Variants in COL6A3 observed in about 807,000 individuals in gnomAD.
COL6A3 encodes collagen type VI alpha 3 chain.
Under a neutral mutation model 274.1 loss-of-function variants are expected in COL6A3, and 137 were observed. That is an observed-to-expected ratio of 0.50 (90% CI 0.44 to 0.58). The LOEUF is 0.58. Ranked by LOEUF, COL6A3 falls within the 20% of genes least tolerant of loss-of-function variation. The pLI, the probability that COL6A3 is intolerant of heterozygous loss-of-function variation, is 0.00. For synonymous variants in COL6A3, 1,650 were observed against 1,650.6 expected (o/e 1.00, Z 0.01); for missense variants, 3,950 against 4,124.9 (o/e 0.96, Z 1.16).
At position 237,394,634 on chromosome 2, in the gene COL6A3, A is replaced by C; in HGVS notation, c.662T>G (p.Val221Gly). ...CGTGTCCCCAGCCCTTTCTGGACTCACGGATGAATGCACACAGGACACTAA... is the reference window on the plus strand; with the variant it reads ...CGTGTCCCCAGCCCTTTCTGGACTCCCGGATGAATGCACACAGGACACTAA... ...GNLVSCVHSS[V>G]SPERAGDTET... The change falls in exon 3 of 44, where the codon GTG (valine) becomes GGG (glycine). Residue 221 changes from valine (V) to glycine (G), a missense_variant. Physicochemically the swap from Val to Gly is moderately radical, Grantham distance 109. Transcript: ENST00000295550. The C allele has an allele frequency of 6.2e-7, 1 of 1,614,238 alleles. No individual in the cohort carries two copies. Among genetic ancestry groups the C allele is most frequent in the South Asian group, 1.1e-5 (1 of 91,088 alleles).
chr2:237,387,740 G>C lies in COL6A3; in HGVS notation c.1154C>G (p.Ser385Cys). 6.2e-7 allele frequency: 1 copy of C among 1,614,078 alleles called. No individual in the cohort carries two copies. The highest frequency in any genetic ancestry group is 8.5e-7 in the Non-Finnish European group (1 of 1,179,968). The change falls in exon 4 of 44, where the codon TCC (serine) becomes TGC (cysteine). Residue 385 changes from serine to cysteine, a missense_variant. Ser to Cys is a moderately radical substitution (Grantham distance 112). This residue lies in a region of COL6A3 where 1,934 missense variants were observed against 1,984.3 expected (regional missense o/e 0.97). Coordinates refer to ENST00000295550, the MANE Select transcript of COL6A3 (RefSeq NM_004369.4). ...AGCTATGTGCTGAAGCTCTGCCCTG[G>C]AGGCGGCCTGGGCTCCAAGGCCGAA... ...FSFGLGAQAA[S>C]RAELQHIATD...
intron 27 of COL6A3, among the ~76,000 whole-genome samples, chr2:237,350,442 AAG>A (rs1209500630): frequency 1.2e-4 from 18 of 152,124 alleles, no homozygotes; most frequent in Admixed American, 1.0e-3. Flanking sequence ...GGCTGATGAG[AAG>A]AGAGAGTAAC....
chr2:237,345,103 G>C lies in COL6A3; in HGVS notation c.7126-9C>G. 1 of 1,614,118 alleles carries C rather than the reference G, an allele frequency of 6.2e-7. No homozygotes were observed. Among genetic ancestry groups the C allele is most frequent in the Non-Finnish European group, 8.5e-7 (1 of 1,179,974 alleles). ...TGGATGAGGGCACATTGCTTTAAAA[G>C]AAAATAAAAGAATATGTAAAGAGAG... is the stretch of plus-strand genomic sequence containing the variant. On this transcript the variant is annotated splice_polypyrimidine_tract_variant and intron_variant, in intron 33 of 43. Transcript: ENST00000295550.
At position 237,387,948 on chromosome 2, in the gene COL6A3, C is replaced by T; in HGVS notation, c.946G>A (p.Gly316Ser). Residue 316 changes from glycine to serine, a missense_variant, in exon 4 of 44, where the codon GGT becomes AGT. Around this residue, in one of 5 missense-constraint regions of COL6A3, gnomAD observed 1,934 missense variants for 1,984.3 expected, o/e 0.97. Transcript: ENST00000295550. ...AGGCCGATATTGGCCAACTCCCCAC[C>T]AGCAAACCCGAGGGCTTTCACTGCA... ...LGAVKALGFA[G>S]GELANIGLAL... The T allele has an allele frequency of 1.2e-6, 2 of 1,614,228 alleles. No homozygotes were observed. The highest frequency in any genetic ancestry group is 2.2e-5 in the East Asian group (1 of 44,888).
At position 237,413,325 on chromosome 2, in the gene COL6A3, T is replaced by A. The variant is rs990499903; in HGVS notation, c.-31+628A>T. 6.6e-6 allele frequency among the ~76,000 whole-genome samples: 1 copy of A among 152,214 alleles called. No homozygotes were observed. Among genetic ancestry groups the A allele is most frequent in the Non-Finnish European group, 1.5e-5 (1 of 68,034 alleles). On this transcript the variant is annotated intron_variant, in intron 1 of 43. Transcript: ENST00000295550. The surrounding 1 kb of genome is among the most constrained non-coding windows in gnomAD (Gnocchi z 4.0). ...CAACCCCAAGGGACAAAGTCTCCAA[T>A]AGAGACTTCAGGTTCCTGGAAAGAC... is the stretch of plus-strand genomic sequence containing the variant.
In COL6A3 at chr2:237,344,867, G is replaced by A; in HGVS notation, c.7175-24C>T. ...CCCTGTGGAAAGTAGAGGGTGGAGGGTTAAAGACAAACTGTACTTACTACA... is the reference window on the plus strand; with the variant it reads ...CCCTGTGGAAAGTAGAGGGTGGAGGATTAAAGACAAACTGTACTTACTACA... On this transcript the variant is annotated intron_variant, in intron 35 of 43. Coordinates refer to ENST00000295550, the MANE Select transcript of COL6A3 (RefSeq NM_004369.4). The surrounding 1 kb of genome is among the most constrained non-coding windows in gnomAD (Gnocchi z 4.8). The A allele has an allele frequency of 1.2e-5, 19 of 1,613,798 alleles. No individual in the cohort carries two copies. Among genetic ancestry groups the A allele is most frequent in the Non-Finnish European group, 1.5e-5 (18 of 1,180,030 alleles).
At chr2:237,356,362 AAAAT>A (rs544898674) in intron 23 of COL6A3, among the ~76,000 whole-genome samples, 65 of 152,330 alleles carry the variant, frequency 4.3e-4, no homozygotes, top group Admixed American at 1.2e-3. Flanking sequence ...CAATTTATTA[AAAAT>A]AAATAAATAA....
chr2:237,352,616 A>G, intron 25 of COL6A3, 32 bp from the exon 26 acceptor site: 2 of 1,599,764 alleles, frequency 1.3e-6, no homozygotes, highest in South Asian at 2.2e-5. Flanking sequence ...GTGAGTGCTA[A>G]TGAGGTGACT....
chr2:237,382,648 AAG>A, intron 4 of COL6A3, among the ~76,000 whole-genome samples: 1 of 152,364 alleles, frequency 6.6e-6, no homozygotes, highest in Middle Eastern at 3.4e-3. Flanking sequence ...TGTTTTGCAA[AAG>A]AGTCCTCTGT....
Position 237,361,936 on chromosome 2 carries a change from G to A in COL6A3, c.6064-105C>T, listed in dbSNP as rs1287843042. The A allele has an allele frequency of 1.0e-6, 1 of 988,016 alleles. No homozygotes were observed. 61.2% of individuals were successfully genotyped at this position (988,016 alleles called of 1,614,324 possible). Reference sequence around the variant, plus strand: ...AAATCGGATGTGTGGGGGTTTCACGGTGTGAGATGAAGTCCCTCCAGGTGA... The same window carrying A: ...AAATCGGATGTGTGGGGGTTTCACGATGTGAGATGAAGTCCCTCCAGGTGA... On this transcript the variant is annotated intron_variant, in intron 14 of 43. Transcript: ENST00000295550. This position sits in a 1 kb window ranked among gnomAD's most constrained non-coding sequence, Gnocchi z 5.1.
At position 237,364,439 on chromosome 2, in the gene COL6A3, G is replaced by C. The variant is rs1388657135; in HGVS notation, c.5839-11C>G. 1 of 1,608,250 alleles carries C rather than the reference G, an allele frequency of 6.2e-7. No individual in the cohort carries two copies. The highest frequency in any genetic ancestry group is 8.5e-7 in the Non-Finnish European group (1 of 1,174,796). The stretch of plus-strand genomic sequence containing the variant: ...AAAATGAATGACCACCTGCAGATAA[G>C]AGAGCTGTCAAATCCCAGGAAAACT... On this transcript the variant is annotated splice_polypyrimidine_tract_variant and intron_variant, in intron 12 of 43. Coordinates refer to ENST00000295550, the MANE Select transcript of COL6A3 (RefSeq NM_004369.4). The surrounding 1 kb of genome is among the most constrained non-coding windows in gnomAD (Gnocchi z 4.6).
Position 237,337,500 on chromosome 2 carries a change from TAGAC to T in COL6A3, c.8568-972_8568-969del, listed in dbSNP as rs566118735. 2.3e-3 allele frequency among the ~76,000 whole-genome samples: 348 copies of T among 152,322 alleles called. 1 individual carries two copies. Among genetic ancestry groups the T allele is most frequent in the Admixed American group, 5.6e-3 (85 of 15,308 alleles). On this transcript the variant is annotated intron_variant, in intron 39 of 43. Coordinates refer to ENST00000295550, the MANE Select transcript of COL6A3 (RefSeq NM_004369.4). ...AAGAGCTGAAGGACTTAAGTGGTGA[TAGAC>T]AGAAGGGTCTGCAGTAGGAAGAGAT...
In COL6A3 at chr2:237,367,031, G is replaced by A. The variant is rs557335500; in HGVS notation, c.5156C>T (p.Thr1719Ile). ...VVYKGGRHAN[T>I]KVGLEHLRVN... ...CCGCAGGTGCTCAAGGCCCACCTTA[G>A]TGTTGGCGTGTCTTCCCCCTTTGTA... Residue 1719 changes from threonine (T) to isoleucine (I), a missense_variant, in exon 11 of 44, where the codon ACT becomes ATT. Transcript: ENST00000295550. 9.3e-6 allele frequency: 15 copies of A among 1,614,244 alleles called. No individual in the cohort carries two copies. The South Asian group carries it at 1.6e-4, about 18-fold the overall frequency.
intron 13 of COL6A3, among the ~76,000 whole-genome samples, chr2:237,363,819 T>G (rs141889145): frequency 6.6e-6 from 1 of 152,234 alleles, no homozygotes; most frequent in African/African-American, 2.4e-5. Flanking sequence ...ACTTCTGTAA[T>G]GGCATCCACT....
rs150468883 is a variant in COL6A3 at position 237,376,517 on chromosome 2, A to G, written c.3070+255T>C. Among the ~76,000 whole-genome samples, 368 of 152,332 alleles carry G rather than the reference A, an allele frequency of 2.4e-3. 1 individual carries two copies. Among genetic ancestry groups the G allele is most frequent in the African/African-American group, 8.2e-3 (341 of 41,574 alleles). ...CCACTGATATCTAAATCTTTATAAC[A>G]TGTCTTACTATGAAATAATCTAATG... On this transcript the variant is annotated intron_variant, in intron 7 of 43. Transcript: ENST00000295550.
chr2:237,370,935 C>G (rs2106355659), intron 9 of COL6A3, among the ~76,000 whole-genome samples: 1 of 152,216 alleles, frequency 6.6e-6, no homozygotes, highest in East Asian at 1.9e-4. Flanking sequence ...TGAACACAGA[C>G]AAAAAGAAAA....
rs1440572476 is a variant in COL6A3, at chr2:237,336,299, A to C, written c.8801T>G (p.Val2934Gly). Reference protein sequence around the residue: ...ATKMATVRPPVAVKPATAAKP... With the variant: ...ATKMATVRPPGAVKPATAAKP... ...CGCTGCCGTTGCTGGCTTCACCGCC[A>C]CTGGGGGTCTAACAGTGGCCATCTT... Residue 2934 changes from valine (V) to glycine (G), a missense_variant, in exon 40 of 44, where the codon GTG (valine) becomes GGG (glycine). Val to Gly is a moderately radical substitution (Grantham distance 109). Coordinates refer to ENST00000295550, the MANE Select transcript of COL6A3 (RefSeq NM_004369.4). The C allele has an allele frequency of 6.2e-7, 1 of 1,613,272 alleles. No homozygotes were observed. Among genetic ancestry groups the C allele is most frequent in the Admixed American group, 1.7e-5 (1 of 59,964 alleles).
intron 4 of COL6A3, among the ~76,000 whole-genome samples, chr2:237,383,209 C>T (rs115441407): frequency 9.2e-5 from 14 of 152,314 alleles, no homozygotes; most frequent in Non-Finnish European, 1.9e-4. Flanking sequence ...ACAGCAGTGC[C>T]TCATCTGGGT....
intron 36 of COL6A3, chr2:237,343,012 C>T (rs1318720759): frequency 6.6e-6 from 1 of 152,200 alleles, no homozygotes; most frequent in Non-Finnish European, 1.5e-5. Context: ...CTGCCCCAGT[C>T]TCAATTTACA....
Sources: gnomAD v4.1 joint callset for allele counts (sites outside exome capture counted in the v4.1 genomes callset) on GRCh38, gnomAD v4.1.1 for gene constraint, gnomAD v4.1.1 regional missense constraint, Gnocchi (gnomAD v3.1) non-coding constraint, MANE v1.5 for transcripts, NCBI Gene and HGNC (gene_info 2026-07-23, HGNC 2026-07-21) for gene names.